TAF6: variants seen among roughly 807,000 people sequenced by gnomAD.
TAF6 encodes the protein transcription initiation factor TFIID subunit 6.
A neutral mutation model predicts 73.5 loss-of-function variants in TAF6; 50 were observed. That is an observed-to-expected ratio of 0.68 (90% CI 0.54 to 0.86). TAF6 has a LOEUF of 0.86. Among genes scored for constraint, TAF6 ranks in the 40% least tolerant of loss-of-function variants. The probability of loss-of-function intolerance (pLI) is 0.00; values close to 1 mark genes in which losing one functional copy is unlikely to be tolerated. For synonymous variants in TAF6, 424 were observed against 376.7 expected (o/e 1.13, Z -1.45); for missense variants, 768 against 899.5 (o/e 0.85, Z 1.87).
upstream of TAF6, chr7:100,119,369 G>A: frequency 1.9e-6 from 2 of 1,052,770 alleles, no homozygotes; most frequent in Non-Finnish European, 1.1e-6. Flanking sequence ...CCTCGTGGGA[G>A]CAGGTCCTGG....
rs373404097 is a variant in TAF6 at position 100,113,221 on chromosome 7, T to A, written c.454+128A>T. On this transcript the variant is annotated intron_variant, in intron 5 of 14. Transcript: ENST00000453269. Reference sequence around the variant, plus strand: ...GCACAGGTTTGCAGTGAGCCAAGATTGAGCCACTGCACTCCAGCACTCCTG... The same window carrying A: ...GCACAGGTTTGCAGTGAGCCAAGATAGAGCCACTGCACTCCAGCACTCCTG... 6 of 936,972 alleles carry A rather than the reference T, an allele frequency of 6.4e-6. No homozygotes were observed. The East Asian group carries it at 1.1e-4, about 17-fold the overall frequency. 58.0% of individuals were successfully genotyped at this position (936,972 alleles called of 1,614,324 possible).
the TAF6 span, chr7:100,127,123 C>CG: frequency 3.0e-5 from 15 of 492,462 alleles, no homozygotes; most frequent in Non-Finnish European, 5.1e-5. This position sits in a 1 kb window ranked among gnomAD's most constrained non-coding sequence, Gnocchi z 4.6. Context: ...TGGAGGGTGA[C>CG]GGGCAAGGAC....
chr7:100,122,793 CAG>C, upstream of TAF6: 13 of 1,613,458 alleles, frequency 8.1e-6, no homozygotes, highest in Non-Finnish European at 1.0e-5. Flanking sequence ...GGGTCAGAGT[CAG>C]ACCATGGCAA....
At chr7:100,124,549 G>T, upstream of TAF6, 1 of 1,612,756 alleles carries the variant, frequency 6.2e-7, no homozygotes, top group African/African-American at 1.3e-5. Flanking sequence ...AAGACATTGT[G>T]GGAGACTGGT....
intron 14 of TAF6, 107 bp downstream of exon 14, chr7:100,107,819 C>T: frequency 6.9e-7 from 1 of 1,445,674 alleles, no homozygotes; most frequent in Non-Finnish European, 9.2e-7. Flanking sequence ...TCTTCCAGCT[C>T]TTGACTTGGG....
upstream of TAF6, chr7:100,119,953 C>A: frequency 8.3e-7 from 1 of 1,201,780 alleles, no homozygotes. Context: ...GTGGGTCACC[C>A]GACCTCCTTG....
chr7:100,115,317 A>T (rs1384200469), intron 1 of TAF6: 1 of 152,226 alleles, frequency 6.6e-6, no homozygotes, highest in Non-Finnish European at 1.5e-5. Flanking sequence ...TTATCTTCAT[A>T]GCAATGCCAT....
At chr7:100,126,745 G>C in the TAF6 span, 1 of 152,390 alleles carries the variant, frequency 6.6e-6, no homozygotes, top group Non-Finnish European at 1.5e-5. Context: ...GGAGGTTGAG[G>C]CTGCAGTGAG....
At chr7:100,112,372 C>T in intron 6 of TAF6, 119 bp from the exon 7 acceptor site, 2 of 1,395,172 alleles carry the variant, frequency 1.4e-6, no homozygotes, top group South Asian at 1.5e-5. Context: ...TCTTAGGCTC[C>T]CCCATCCTTT....
the TAF6 span, among the ~76,000 whole-genome samples, chr7:100,126,090 G>A: frequency 1.3e-5 from 2 of 152,120 alleles, no homozygotes; most frequent in African/African-American, 4.8e-5. Context: ...GGAGGCTGAG[G>A]CAGAAGAATG....
In TAF6 at chr7:100,110,011, C is replaced by A. The variant is rs779666748; in HGVS notation, c.1221G>T (p.Leu407=). 4 of 1,614,166 alleles carry A rather than the reference C, an allele frequency of 2.5e-6. No individual in the cohort carries two copies. Among genetic ancestry groups the A allele is most frequent in the East Asian group, 4.5e-5 (2 of 44,874 alleles). ...CAATGTTGCTCAGCACAGGGCCGTC[C>A]AGCACACTGCGGATCCGCTCCCCTT... is the stretch of plus-strand genomic sequence containing the variant. ...QQEGERIRSV[L]DGPVLSNIDR... Residue 407 remains leucine (L), a synonymous_variant, in exon 12 of 15, where the codon CTG becomes CTT. Transcript: ENST00000453269.
intron 1 of TAF6, 125 bp from the exon 2 acceptor site, chr7:100,114,393 C>T (rs1446102541): frequency 1.0e-6 from 1 of 975,844 alleles, no homozygotes; most frequent in Non-Finnish European, 1.6e-6. Flanking sequence ...CCACGTGAGT[C>T]AGCCCTGAGG....
At chr7:100,125,061 C>T in the TAF6 span, 2 of 685,296 alleles carry the variant, frequency 2.9e-6, no homozygotes, top group Non-Finnish European at 4.7e-6. Flanking sequence ...CATGACATGG[C>T]TTCTGGGGTG....
At position 100,110,346 on chromosome 7, in the gene TAF6, T is replaced by C. The variant is rs1797057822; in HGVS notation, c.1084-72A>G. ...GATTGACAGGGACCTAAGTCTTTCA[T>C]AGACACTTTCCTTGTAAATCATTAA... On this transcript the variant is annotated intron_variant, in intron 10 of 14. Transcript: ENST00000453269. 2.6e-6 allele frequency: 4 copies of C among 1,511,918 alleles called. No homozygotes were observed. In the East Asian group the frequency reaches 9.0e-5, roughly 34 times the overall value. 93.7% of individuals were successfully genotyped at this position (1,511,918 alleles called of 1,614,324 possible). A position where few individuals can be genotyped will look rare whatever the true frequency, so the allele number is the denominator to read the frequency against.
In TAF6 at chr7:100,119,341, G is replaced by A. The variant is rs1797944140; in HGVS notation, c.-197C>T. The A allele has an allele frequency of 1.9e-6, 2 of 1,033,476 alleles. No individual in the cohort carries two copies. Among genetic ancestry groups the A allele is most frequent in the African/African-American group, 3.4e-5 (2 of 58,052 alleles). The allele number at this position is 1,033,476 out of a possible 1,614,324, so 64.0% of individuals were successfully genotyped here. ...AGACGCTGCTCACCCGGCGCTCGGC[G>A]CCATCTTGGCCCCGCCCCCTCGTGG... On this transcript the variant is annotated 5_prime_UTR_variant, in exon 1 of 15. Transcript: ENST00000453269.
chr7:100,107,625 TG>T lies in TAF6; in HGVS notation c.1657-3del, dbSNP rs753487211. 53 of 1,610,418 alleles carry T rather than the reference TG, an allele frequency of 3.3e-5. No homozygotes were observed. The highest frequency in any genetic ancestry group is 4.3e-5 in the Non-Finnish European group (51 of 1,178,926). On this transcript the variant is annotated splice_region_variant and splice_polypyrimidine_tract_variant and intron_variant, in intron 14 of 14. Transcript: ENST00000453269. ...GGCCGAGGTGCTGAGGGACAGGACC[TG>T]GATAGAAAGGAAAGGCAGGCCGCTT... is the stretch of plus-strand genomic sequence containing the variant.
chr7:100,113,910 G>A lies in TAF6; in HGVS notation c.201C>T (p.Thr67=). ...FMHMGKRQKL[T]TSDIDYALKL... ...TCAAGGCGTAGTCAATGTCACTGGT[G>A]GTGAGCTTCTGCCGCTTCCCCATGT... Residue 67 remains threonine (T), a synonymous_variant, in exon 3 of 15, where the codon ACC becomes ACT. Coordinates refer to ENST00000453269, the MANE Select transcript of TAF6 (RefSeq NM_139315.3). 6.2e-7 allele frequency: 1 copy of A among 1,613,950 alleles called. No individual in the cohort carries two copies. The highest frequency in any genetic ancestry group is 2.2e-5 in the East Asian group (1 of 44,866).
chr7:100,108,448 G>A lies in TAF6; in HGVS notation c.1377C>T (p.Leu459=), dbSNP rs1187243245. The A allele has an allele frequency of 3.7e-6, 6 of 1,613,922 alleles. No individual in the cohort carries two copies. The highest frequency in any genetic ancestry group is 2.2e-5 in the East Asian group (1 of 44,890). Residue 459 remains leucine (L), a synonymous_variant, in exon 13 of 15, where the codon CTC becomes CTT. Coordinates refer to ENST00000453269, the MANE Select transcript of TAF6 (RefSeq NM_139315.3). The part of the protein sequence containing the change: ...RAEFGSLGPL[L]CSQVVKARAQ... ...CCCGAGCCTTGACCACCTGGGAGCA[G>A]AGGAGGGGCCCAAGGGACCCGAATT...
chr7:100,107,900 G>T, intron 14 of TAF6, 26 bp downstream of exon 14: 1 of 1,579,510 alleles, frequency 6.3e-7, no homozygotes, highest in Non-Finnish European at 8.6e-7. Flanking sequence ...CCCTCCAGAT[G>T]CTCCCTGTCC....
Sources: gnomAD v4.1 joint callset for allele counts (sites outside exome capture counted in the v4.1 genomes callset) on GRCh38, gnomAD v4.1.1 for gene constraint, Gnocchi (gnomAD v3.1) non-coding constraint, MANE v1.5 for transcripts, NCBI Gene and HGNC (gene_info 2026-07-23, HGNC 2026-07-21) for gene names.